Variants in DCAF12L2 observed in about 807,000 individuals in gnomAD.
DCAF12L2 encodes DDB1 and CUL4 associated factor 12 like 2.
In DCAF12L2, 16 loss-of-function variants were observed where a neutral mutation model predicts 20.2. That is an observed-to-expected ratio of 0.79 (90% confidence interval 0.54 to 1.20). DCAF12L2 has a LOEUF of 1.20. Ranked by LOEUF, DCAF12L2 falls within the 50% of genes most tolerant of loss-of-function variation. The probability of loss-of-function intolerance (pLI) is 0.00; values close to 1 mark genes in which losing one functional copy is unlikely to be tolerated. For missense variants in DCAF12L2, 355 were observed against 404.8 expected, an observed-to-expected ratio of 0.88 and a Z score of 1.06; for synonymous variants, 195 against 190.0, an observed-to-expected ratio of 1.03 and a Z score of -0.22.
In DCAF12L2 at chrX:126,166,021, G is replaced by C. The variant is rs1460140570; in HGVS notation, c.-97C>G. The C allele has an allele frequency of 1.7e-5, 13 of 744,172 alleles. 1 individual carries two copies. The highest frequency in any genetic ancestry group is 1.9e-5 in the Non-Finnish European group (12 of 629,258). 61.3% of individuals were successfully genotyped at this position (744,172 alleles called of 1,213,427 possible). A position where few individuals can be genotyped will look rare whatever the true frequency, so the allele number is the denominator to read the frequency against. ...GGCGCGTGGCACCCGTGTTGGCCGTGGCGGCGGTGGTGGGGATGGCTGCGC... is the reference window on the plus strand; with the variant it reads ...GGCGCGTGGCACCCGTGTTGGCCGTCGCGGCGGTGGTGGGGATGGCTGCGC... On this transcript the variant is annotated 5_prime_UTR_variant, in exon 1 of 1. Transcript: ENST00000360028.
Position 126,165,624 on chromosome X carries a change from A to G in DCAF12L2, c.301T>C (p.Phe101Leu). Reference protein sequence around the residue: ...QLDLGTLNKVFASQWLNARQV... With the variant: ...QLDLGTLNKVLASQWLNARQV... ...CTGGCGTTCAGCCACTGTGACGCGA[A>G]CACCTTGTTGAGGGTGCCCAGGTCC... The change falls in exon 1 of 1, where the codon TTC (phenylalanine) becomes CTC (leucine). Residue 101 changes from phenylalanine (F) to leucine (L), a missense_variant. Phe to Leu is a conservative substitution (Grantham distance 22). Transcript: ENST00000360028. 8.3e-7 allele frequency: 1 copy of G among 1,212,120 alleles called. No homozygotes were observed. Among genetic ancestry groups the G allele is most frequent in the Non-Finnish European group, 1.1e-6 (1 of 895,519 alleles).
rs1927772454 is a variant in DCAF12L2, at chrX:126,164,439, A to G, written c.*94T>C. The G allele has an allele frequency of 2.8e-6, 3 of 1,084,411 alleles. No homozygotes were observed. The highest frequency in any genetic ancestry group is 6.1e-5 in the East Asian group (2 of 32,596). 89.4% of individuals were successfully genotyped at this position (1,084,411 alleles called of 1,213,427 possible). A position where few individuals can be genotyped will look rare whatever the true frequency, so the allele number is the denominator to read the frequency against. On this transcript the variant is annotated 3_prime_UTR_variant, in exon 1 of 1. Transcript: ENST00000360028. ...TGGTTCCACCTGGAAGACAAAAGCCACACAAAGTTAAAAGCACAAATGCAG... is the reference window on the plus strand; with the variant it reads ...TGGTTCCACCTGGAAGACAAAAGCCGCACAAAGTTAAAAGCACAAATGCAG...
chrX:126,165,436 A>G lies in DCAF12L2; in HGVS notation c.489T>C (p.Leu163=). 1 of 1,211,943 alleles carries G rather than the reference A, an allele frequency of 8.3e-7. No individual in the cohort carries two copies. The part of the protein sequence containing the change: ...HAIELNPSKT[L]LATGGENPNS... Reference sequence around the variant, plus strand: ...TGGGGTTTTCGCCGCCGGTGGCCAGAAGCGTCTTGGAGGGATTCAGCTCGA... The same window carrying G: ...TGGGGTTTTCGCCGCCGGTGGCCAGGAGCGTCTTGGAGGGATTCAGCTCGA... The change falls in exon 1 of 1, where the codon CTT becomes CTC. Residue 163 remains leucine (L), a synonymous_variant. Transcript: ENST00000360028.
rs1437536572 is a variant in DCAF12L2 at position 126,165,829 on chromosome X, G to A, written c.96C>T (p.Asp32=). The part of the protein sequence containing the change: ...SSSSQGLAAA[D]GEGPLLPKKQ... ...TCTTGGGTAGCAGAGGCCCCTCTCC[G>A]TCCGCCGCCGCTAAACCCTGCGACG... The change falls in exon 1 of 1, where the codon GAC becomes GAT. Residue 32 remains aspartate, a synonymous_variant. Transcript: ENST00000360028. 5 of 1,204,783 alleles carry A rather than the reference G, an allele frequency of 4.2e-6. No individual in the cohort carries two copies. The highest frequency in any genetic ancestry group is 1.8e-5 in the South Asian group (1 of 56,759).
At position 126,164,362 on chromosome X, in the gene DCAF12L2, GCTCT is replaced by G. The variant is rs200572855; in HGVS notation, c.*167_*170del. ...GGACCACTTGTGCTCTCTCGCTCCC[GCTCT>G]CTCTCTTTCTTTCTCTGCCTAATAC... On this transcript the variant is annotated 3_prime_UTR_variant, in exon 1 of 1. Transcript: ENST00000360028. 2 of 618,043 alleles carry G rather than the reference GCTCT, an allele frequency of 3.2e-6. No homozygotes were observed. The highest frequency in any genetic ancestry group is 4.3e-5 in the South Asian group (1 of 23,347). 50.9% of individuals were successfully genotyped at this position (618,043 alleles called of 1,213,427 possible).
At position 126,164,485 on chromosome X, in the gene DCAF12L2, C is replaced by T. The variant is rs1156755083; in HGVS notation, c.*48G>A. ...TGCAGCATGAAGAAGGAAAGTCAGGCGGAACTGAAAGGTAAACCTGTGCAC... is the reference window on the plus strand; with the variant it reads ...TGCAGCATGAAGAAGGAAAGTCAGGTGGAACTGAAAGGTAAACCTGTGCAC... On this transcript the variant is annotated 3_prime_UTR_variant, in exon 1 of 1. Coordinates refer to ENST00000360028, the MANE Select transcript of DCAF12L2 (RefSeq NM_001013628.3). 3 of 1,143,760 alleles carry T rather than the reference C, an allele frequency of 2.6e-6. No homozygotes were observed. The highest frequency in any genetic ancestry group is 4.2e-5 in the South Asian group (2 of 47,391). The allele number at this position is 1,143,760 out of a possible 1,213,427, so 94.3% of individuals were successfully genotyped here.
Position 126,165,305 on chromosome X carries a change from A to G in DCAF12L2, c.620T>C (p.Val207Ala). 8.2e-7 allele frequency: 1 copy of G among 1,212,416 alleles called. No individual in the cohort carries two copies. Among genetic ancestry groups the G allele is most frequent in the Non-Finnish European group, 1.1e-6 (1 of 895,605 alleles). The part of the protein sequence containing the change: ...IFAVAWLSDT[V>A]AVSGSRDGTV... ...GCCGTCGCGGGAGCCGCTCACAGCT[A>G]CGGTGTCACTCAGCCAGGCGACTGC... The change falls in exon 1 of 1, where the codon GTA becomes GCA. Residue 207 changes from valine (V) to alanine (A), a missense_variant. Val to Ala is a moderately conservative substitution (Grantham distance 64). Transcript: ENST00000360028.
Position 126,165,981 on chromosome X carries a change from CCCGGCGGCGGT to C in DCAF12L2, c.-68_-58del. The C allele has an allele frequency of 1.3e-6, 1 of 798,000 alleles. No individual in the cohort carries two copies. The allele number at this position is 798,000 out of a possible 1,213,427, so 65.8% of individuals were successfully genotyped here. A position where few individuals can be genotyped will look rare whatever the true frequency, so the allele number is the denominator to read the frequency against. On this transcript the variant is annotated 5_prime_UTR_variant, in exon 1 of 1. Coordinates refer to ENST00000360028, the MANE Select transcript of DCAF12L2 (RefSeq NM_001013628.3). Reference sequence around the variant, plus strand: ...GCGGCGGCGGCGGCGGCGGCGGCGGCCCGGCGGCGGTGGCGGCGCGTGGCACCCGTGTTGGC... The same window carrying C: ...GCGGCGGCGGCGGCGGCGGCGGCGGCGGCGGCGCGTGGCACCCGTGTTGGC...
rs749313349 is a variant in DCAF12L2 at position 126,164,737 on chromosome X, C to T, written c.1188G>A (p.Gly396=). 18 of 1,211,243 alleles carry T rather than the reference C, an allele frequency of 1.5e-5. No homozygotes were observed. Among genetic ancestry groups the T allele is most frequent in the South Asian group, 3.5e-5 (2 of 56,954 alleles). The stretch of plus-strand genomic sequence containing the variant: ...CAAGCTTGAGCTTCCTCCCTGCGGG[C>T]CCCGGCATGGAGTCCAGGCTGGAAG... ...RASSSLDSMP[G]PAGRKLKLAC... Residue 396 remains glycine, a synonymous_variant, in exon 1 of 1, where the codon GGG becomes GGA. Coordinates refer to ENST00000360028, the MANE Select transcript of DCAF12L2 (RefSeq NM_001013628.3).
In DCAF12L2 at chrX:126,165,090, C is replaced by A. The variant is rs1438318188; in HGVS notation, c.835G>T (p.Ala279Ser). The change falls in exon 1 of 1, where the codon GCG becomes TCG. Residue 279 changes from alanine to serine, a missense_variant. By Grantham distance (99) the Ala-to-Ser change is moderately conservative. Transcript: ENST00000360028. Reference sequence around the variant, plus strand: ...TGGAAGTAGCCGTCCAAGGACACCGCTCCCAGCTCCTGGTTCTTGCCGCTG... The same window carrying A: ...TGGAAGTAGCCGTCCAAGGACACCGATCCCAGCTCCTGGTTCTTGCCGCTG... ...AFSGKNQELG[A>S]VSLDGYFHLW... 6 of 1,210,626 alleles carry A rather than the reference C, an allele frequency of 5.0e-6. No homozygotes were observed. In the Admixed American group the frequency reaches 8.7e-5, roughly 18 times the overall value.
rs769240535 is a variant in DCAF12L2, at chrX:126,165,530, C to T, written c.395G>A (p.Arg132His). 4.1e-5 allele frequency: 50 copies of T among 1,211,357 alleles called. No homozygotes were observed. The South Asian group carries it at 7.9e-4, about 19-fold the overall frequency. Residue 132 changes from arginine (R) to histidine (H), a missense_variant, in exon 1 of 1, where the codon CGC (arginine) becomes CAC (histidine). Arg to His is a conservative substitution (Grantham distance 29, BLOSUM62 0). Coordinates refer to ENST00000360028, the MANE Select transcript of DCAF12L2 (RefSeq NM_001013628.3). ...VVDVQSGHIT[R>H]IPLMRDKEAG... Reference sequence around the variant, plus strand: ...CTCCTTGTCCCGCATGAGGGGGATGCGCGTGATGTGGCCTGACTGCACGTC... The same window carrying T: ...CTCCTTGTCCCGCATGAGGGGGATGTGCGTGATGTGGCCTGACTGCACGTC...
In DCAF12L2 at chrX:126,165,640, G is replaced by T. The variant is rs776876865; in HGVS notation, c.285C>A (p.Gly95=). The T allele has an allele frequency of 8.2e-7, 1 of 1,212,160 alleles. No homozygotes were observed. The highest frequency in any genetic ancestry group is 1.1e-6 in the Non-Finnish European group (1 of 895,535). ...ELLTERQLDL[G]TLNKVFASQW... ...GTGACGCGAACACCTTGTTGAGGGT[G>T]CCCAGGTCCAGCTGGCGCTCCGTCA... The change falls in exon 1 of 1, where the codon GGC becomes GGA. Residue 95 remains glycine, a synonymous_variant. Coordinates refer to ENST00000360028, the MANE Select transcript of DCAF12L2 (RefSeq NM_001013628.3).
Position 126,165,969 on chromosome X carries a change from CGGCGGCGGCGGCCCGGCGGCGGT to C in DCAF12L2, c.-68_-46del, listed in dbSNP as rs1182461925. 7 of 860,269 alleles carry C rather than the reference CGGCGGCGGCGGCCCGGCGGCGGT, an allele frequency of 8.1e-6. No homozygotes were observed. Among genetic ancestry groups the C allele is most frequent in the East Asian group, 6.6e-5 (1 of 15,087 alleles). The allele number at this position is 860,269 out of a possible 1,213,427, so 70.9% of individuals were successfully genotyped here. Reference sequence around the variant, plus strand: ...GCAGCAGCGGCGGCGGCGGCGGCGGCGGCGGCGGCGGCCCGGCGGCGGTGGCGGCGCGTGGCACCCGTGTTGGC... The same window carrying C: ...GCAGCAGCGGCGGCGGCGGCGGCGGCGGCGGCGCGTGGCACCCGTGTTGGC... On this transcript the variant is annotated 5_prime_UTR_variant, in exon 1 of 1. Coordinates refer to ENST00000360028, the MANE Select transcript of DCAF12L2 (RefSeq NM_001013628.3).
rs1257619422 is a variant in DCAF12L2 at position 126,166,096 on chromosome X, G to A, written c.-172C>T. 8 of 529,037 alleles carry A rather than the reference G, an allele frequency of 1.5e-5. No individual in the cohort carries two copies. Among genetic ancestry groups the A allele is most frequent in the Non-Finnish European group, 1.8e-5 (8 of 433,885 alleles). 43.6% of individuals were successfully genotyped at this position (529,037 alleles called of 1,213,427 possible). A position where few individuals can be genotyped will look rare whatever the true frequency, so the allele number is the denominator to read the frequency against. On this transcript the variant is annotated 5_prime_UTR_variant, in exon 1 of 1. Coordinates refer to ENST00000360028, the MANE Select transcript of DCAF12L2 (RefSeq NM_001013628.3). ...ATCTCTAAGACCAAGAAGCTGGTGC[G>A]ATCGCGGGCGCCCAGACTTCAGTCT... is the stretch of plus-strand genomic sequence containing the variant.
rs201729596 is a variant in DCAF12L2, at chrX:126,165,328, T to G, written c.597A>C (p.Ala199=). 2.0e-4 allele frequency: 247 copies of G among 1,211,499 alleles called. No homozygotes were observed. Among genetic ancestry groups the G allele is most frequent in the Non-Finnish European group, 2.5e-4 (220 of 895,476 alleles). Reference sequence around the variant, plus strand: ...CTACGGTGTCACTCAGCCAGGCGACTGCGAAGATCCAGTCCTTGTGGCCAT... The same window carrying G: ...CTACGGTGTCACTCAGCCAGGCGACGGCGAAGATCCAGTCCTTGTGGCCAT... The part of the protein sequence containing the change: ...DRHGHKDWIF[A]VAWLSDTVAV... The change falls in exon 1 of 1, where the codon GCA becomes GCC. Residue 199 remains alanine (A), a synonymous_variant. Transcript: ENST00000360028.
Position 126,165,270 on chromosome X carries a change from G to C in DCAF12L2, c.655C>G (p.Leu219Val). The C allele has an allele frequency of 8.2e-7, 1 of 1,212,358 alleles. No homozygotes were observed. The highest frequency in any genetic ancestry group is 1.1e-6 in the Non-Finnish European group (1 of 895,646). Residue 219 changes from leucine to valine, a missense_variant, in exon 1 of 1, where the codon CTG becomes GTG. Coordinates refer to ENST00000360028, the MANE Select transcript of DCAF12L2 (RefSeq NM_001013628.3). Reference protein sequence around the residue: ...VSGSRDGTVALWRMDPDMFNG... With the variant: ...VSGSRDGTVAVWRMDPDMFNG... ...AACATGTCTGGGTCCATCCGCCACA[G>C]AGCCACGGTGCCGTCGCGGGAGCCG...
rs1350707116 is a variant in DCAF12L2 at position 126,164,324 on chromosome X, T to C, written c.*209A>G. 1 of 417,168 alleles carries C rather than the reference T, an allele frequency of 2.4e-6. No homozygotes were observed. Among genetic ancestry groups the C allele is most frequent in the African/African-American group, 2.5e-5 (1 of 39,495 alleles). 34.4% of individuals were successfully genotyped at this position (417,168 alleles called of 1,213,427 possible). A position where few individuals can be genotyped will look rare whatever the true frequency, so the allele number is the denominator to read the frequency against. On this transcript the variant is annotated 3_prime_UTR_variant, in exon 1 of 1. Coordinates refer to ENST00000360028, the MANE Select transcript of DCAF12L2 (RefSeq NM_001013628.3). ...GAATGAGAGTTTTAAAGCCAAAGTTTTGACTGCCGAAAGGACCACTTGTGC... is the reference window on the plus strand; with the variant it reads ...GAATGAGAGTTTTAAAGCCAAAGTTCTGACTGCCGAAAGGACCACTTGTGC...
Position 126,164,877 on chromosome X carries a change from C to T in DCAF12L2, c.1048G>A (p.Gly350Ser). The part of the protein sequence containing the change: ...NIRPLCSREG[G>S]TGVRSLSFYQ... ...AAGCTCAGCGACCGCACGCCTGTGC[C>T]ACCCTCTCGAGAGCACAGGGGCCGG... Residue 350 changes from glycine (G) to serine (S), a missense_variant, in exon 1 of 1, where the codon GGC becomes AGC. Transcript: ENST00000360028. The T allele has an allele frequency of 8.2e-7, 1 of 1,212,264 alleles. No individual in the cohort carries two copies. The highest frequency in any genetic ancestry group is 1.1e-6 in the Non-Finnish European group (1 of 895,594).
chrX:126,165,981 C>T lies in DCAF12L2; in HGVS notation c.-57G>A. On this transcript the variant is annotated 5_prime_UTR_variant, in exon 1 of 1. Transcript: ENST00000360028. Reference sequence around the variant, plus strand: ...GCGGCGGCGGCGGCGGCGGCGGCGGCCCGGCGGCGGTGGCGGCGCGTGGCA... The same window carrying T: ...GCGGCGGCGGCGGCGGCGGCGGCGGTCCGGCGGCGGTGGCGGCGCGTGGCA... The T allele has an allele frequency of 3.8e-6, 3 of 797,994 alleles. No homozygotes were observed. Among genetic ancestry groups the T allele is most frequent in the Non-Finnish European group, 4.5e-6 (3 of 670,655 alleles). The allele number at this position is 797,994 out of a possible 1,213,427, so 65.8% of individuals were successfully genotyped here.
Sources: allele counts gnomAD v4.1 joint callset, GRCh38; gene constraint gnomAD v4.1.1; transcripts MANE v1.5; gene names NCBI Gene and HGNC (gene_info 2026-07-23, HGNC 2026-07-21).